Variants in ZFHX3 observed in about 807,000 individuals in gnomAD.
The protein encoded by ZFHX3 is zinc finger homeobox protein 3.
In ZFHX3, 42 loss-of-function variants were observed where a neutral mutation model predicts 279.1. That is an observed-to-expected ratio of 0.15 (90% CI 0.12 to 0.19). The LOEUF (loss-of-function observed/expected upper bound fraction) is 0.19. ZFHX3 is among the 10% of genes least tolerant of loss of function. The pLI is 1.00. For missense variants in ZFHX3, 4,981 were observed against 4,754.0 expected, an observed-to-expected ratio of 1.05 and a Z score of -1.40; for synonymous variants, 2,293 against 1,957.8, an observed-to-expected ratio of 1.17 and a Z score of -4.52.
At chr16:73,158,237 C>G (rs555237981) in intron 5 of ZFHX3, among the ~76,000 whole-genome samples, 3 of 152,246 alleles carry the variant, frequency 2.0e-5, no homozygotes, top group African/African-American at 7.2e-5. Flanking sequence ...CCATGAGTAC[C>G]TCGCTACAGT....
chr16:73,287,683 C>T (rs1449335448), intron 4 of ZFHX3, among the ~76,000 whole-genome samples: 3 of 84,000 alleles, frequency 3.6e-5, no homozygotes, highest in Non-Finnish European at 6.9e-5. Flanking sequence ...TTGATGTGTG[C>T]GTGTGTGGCT....
intron 1 of ZFHX3, among the ~76,000 whole-genome samples, chr16:73,751,401 G>A (rs929423567): frequency 1.3e-5 from 2 of 152,218 alleles, no homozygotes; most frequent in East Asian, 1.9e-4. Context: ...TTAAGAAACC[G>A]TGTCATCATC....
At chr16:72,834,672 T>C (rs540652567) in intron 4 of ZFHX3, among the ~76,000 whole-genome samples, 3 of 152,046 alleles carry the variant, frequency 2.0e-5, no homozygotes, top group East Asian at 1.9e-4. Flanking sequence ...AACCTGGAAA[T>C]TGGTTCGCGA....
intron 4 of ZFHX3, among the ~76,000 whole-genome samples, chr16:72,843,092 T>A (rs1443802897): frequency 6.6e-6 from 1 of 152,194 alleles, no homozygotes; most frequent in Non-Finnish European, 1.5e-5. Context: ...GAATGAAGGC[T>A]GTTCGCAAAA....
At chr16:73,399,157 C>T (rs2017194206) in intron 3 of ZFHX3, among the ~76,000 whole-genome samples, 1 of 152,020 alleles carries the variant, frequency 6.6e-6, no homozygotes, top group South Asian at 2.1e-4. Context: ...AGATTACAGG[C>T]CTGAGCCACT....
At chr16:73,028,182 C>T (rs533003660) in intron 1 of ZFHX3, among the ~76,000 whole-genome samples, 133 of 152,102 alleles carry the variant, frequency 8.7e-4, no homozygotes, top group Non-Finnish European at 1.5e-3. Flanking sequence ...CCCTTTTTTC[C>T]ACCATGAAGA....
In ZFHX3 at chr16:73,876,980, C is replaced by T. The variant is rs111440705; in HGVS notation, c.-1608+14671G>A. Among the ~76,000 whole-genome samples, 315 of 150,604 alleles carry T rather than the reference C, an allele frequency of 2.1e-3. 2 individuals carry two copies. Among genetic ancestry groups the T allele is most frequent in the Non-Finnish European group, 3.9e-3 (264 of 67,798 alleles). On this transcript the variant is annotated intron_variant, in intron 1 of 17. Coordinates refer to the ZFHX3 transcript ENST00000641206. ...TGGACTTACTAAAAAATCTATGATA[C>T]GAGTGAGAAATCATGCTAAATACGA... is the stretch of plus-strand genomic sequence containing the variant.
intron 2 of ZFHX3, among the ~76,000 whole-genome samples, chr16:73,521,333 A>G (rs919241550): frequency 6.6e-6 from 1 of 152,208 alleles, no homozygotes; most frequent in Non-Finnish European, 1.5e-5. Flanking sequence ...TTGGCACATA[A>G]TAAGCTTGAG....
chr16:72,800,415 G>T (rs553269748), intron 7 of ZFHX3, among the ~76,000 whole-genome samples: 14 of 152,296 alleles, frequency 9.2e-5, no homozygotes, highest in Admixed American at 4.6e-4. Flanking sequence ...CACTGACAAT[G>T]TTTTGTCATG....
chr16:73,762,754 C>G lies in ZFHX3; in HGVS notation c.-1607-82514G>C, dbSNP rs928514687. On this transcript the variant is annotated intron_variant, in intron 1 of 17. Transcript: ENST00000641206. ...GAAAACCAAATACCACATGTTCTCA[C>G]TTATAAGTGGGAGCTGAACAGTGTG... 2.6e-5 allele frequency among the ~76,000 whole-genome samples: 4 copies of G among 152,162 alleles called. No individual in the cohort carries two copies. In the East Asian group the frequency reaches 7.7e-4, roughly 29 times the overall value.
chr16:72,966,201 G>A (rs1300252276), intron 1 of ZFHX3, among the ~76,000 whole-genome samples: 1 of 152,162 alleles, frequency 6.6e-6, no homozygotes, highest in African/African-American at 2.4e-5. Flanking sequence ...ATGTCCACTT[G>A]CAGAGCACAC....
chr16:73,228,802 C>T lies in ZFHX3; in HGVS notation c.-1104+28245G>A, dbSNP rs1276517336. ...AAGCCAAGACCAGAACCTGGGATTA[C>T]GTGGTCTCATTTCTCATGACAATGG... On this transcript the variant is annotated intron_variant, in intron 5 of 17. Coordinates refer to the ZFHX3 transcript ENST00000641206. Among the ~76,000 whole-genome samples, 5 of 152,102 alleles carry T rather than the reference C, an allele frequency of 3.3e-5. No homozygotes were observed. In the East Asian group the frequency reaches 7.7e-4, roughly 23 times the overall value.
chr16:73,688,237 A>G (rs1336983161), intron 1 of ZFHX3, among the ~76,000 whole-genome samples: 1 of 151,442 alleles, frequency 6.6e-6, no homozygotes, highest in Non-Finnish European at 1.5e-5. Context: ...CATGCCTGTA[A>G]TCTCAGCTAC....
intron 4 of ZFHX3, among the ~76,000 whole-genome samples, chr16:73,314,281 G>A (rs1401456573): frequency 6.6e-6 from 1 of 152,206 alleles, no homozygotes; most frequent in African/African-American, 2.4e-5. Flanking sequence ...TCTTGAGCCT[G>A]CTGGCCAACC....
intron 3 of ZFHX3, among the ~76,000 whole-genome samples, chr16:72,914,938 C>A (rs981364379): frequency 2.6e-5 from 4 of 152,188 alleles, no homozygotes; most frequent in African/African-American, 9.7e-5. Flanking sequence ...TTGCAGTGAG[C>A]TGAGATCACA....
chr16:72,818,879 C>T (rs796601929), intron 5 of ZFHX3, among the ~76,000 whole-genome samples: 9 of 152,308 alleles, frequency 5.9e-5, no homozygotes, highest in African/African-American at 2.2e-4. Context: ...GAGGTTCTAT[C>T]AACTTCACAG....
chr16:73,163,568 C>G (rs548157779), intron 5 of ZFHX3, among the ~76,000 whole-genome samples: 1 of 152,164 alleles, frequency 6.6e-6, no homozygotes, highest in Non-Finnish European at 1.5e-5. Context: ...TTTGCTCTCT[C>G]GACCTTTATA....
At chr16:73,085,452 G>T (rs1163567049) in intron 8 of ZFHX3, among the ~76,000 whole-genome samples, 3 of 152,036 alleles carry the variant, frequency 2.0e-5, no homozygotes, top group Non-Finnish European at 4.4e-5. Context: ...CACTATGTTG[G>T]TCAGGCTGGT....
intron 1 of ZFHX3, among the ~76,000 whole-genome samples, chr16:73,694,940 G>C (rs1486139320): frequency 6.6e-6 from 1 of 152,210 alleles, no homozygotes; most frequent in Admixed American, 6.5e-5. Flanking sequence ...ATTGACTCAA[G>C]AACTCCAAAA....
Sources: allele counts gnomAD v4.1 joint callset (sites outside exome capture counted in the v4.1 genomes callset), GRCh38; gene constraint gnomAD v4.1.1; transcripts MANE v1.5; gene names NCBI Gene and HGNC (gene_info 2026-07-23, HGNC 2026-07-21).